STXBP5L: variants seen among roughly 807,000 people sequenced by gnomAD.
The protein encoded by STXBP5L is syntaxin-binding protein 5-like.
In STXBP5L, 65 loss-of-function variants were observed where a neutral mutation model predicts 144.5. The ratio of observed to expected loss-of-function variants is 0.45; its 90% CI spans 0.37 to 0.55. The LOEUF is 0.55. Ranked by LOEUF, STXBP5L falls within the 20% of genes least tolerant of loss-of-function variation. The probability of loss-of-function intolerance (pLI) is 0.00; values close to 1 mark genes in which losing one functional copy is unlikely to be tolerated. For missense variants in STXBP5L, 1,298 were observed against 1,405.5 expected (o/e 0.92, Z 1.22); for synonymous variants, 505 against 469.6 (o/e 1.08, Z -0.97).
intron 20 of STXBP5L, among the ~76,000 whole-genome samples, chr3:121,358,606 C>G (rs186985382): frequency 6.6e-6 from 1 of 152,282 alleles, no homozygotes; most frequent in African/African-American, 2.4e-5. Flanking sequence ...CCCACCAGGC[C>G]CCACCTCCTG....
chr3:121,346,858 T>A (rs1278508171), intron 20 of STXBP5L, among the ~76,000 whole-genome samples: 2 of 152,220 alleles, frequency 1.3e-5, no homozygotes, highest in African/African-American at 4.8e-5. Flanking sequence ...ATTAGCCCTT[T>A]GTCAGATGAG....
chr3:121,140,151 A>C (rs1237223628), intron 7 of STXBP5L, among the ~76,000 whole-genome samples: 2 of 152,124 alleles, frequency 1.3e-5, no homozygotes, highest in Non-Finnish European at 2.9e-5. Context: ...CAACAAGTAT[A>C]TAGTGAAATG....
intron 16 of STXBP5L, among the ~76,000 whole-genome samples, chr3:121,255,422 A>C (rs1458625023): frequency 6.6e-6 from 1 of 152,066 alleles, no homozygotes; most frequent in Non-Finnish European, 1.5e-5. Context: ...TTGATGTTAC[A>C]TGAGTTGCAT....
chr3:121,319,889 G>A (rs1210701879), intron 20 of STXBP5L, among the ~76,000 whole-genome samples: 1 of 152,072 alleles, frequency 6.6e-6, no homozygotes, highest in African/African-American at 2.4e-5. Context: ...GGCCAAGGGG[G>A]GAGGATCACT....
chr3:121,176,490 C>CAA (rs35855500), intron 9 of STXBP5L, among the ~76,000 whole-genome samples: 1,603 of 70,010 alleles, frequency 0.023, 38 homozygotes, highest in Non-Finnish European at 0.032. Context: ...CCAAACTGGC[C>CAA]AAAAAAAAAA....
At chr3:121,064,210 C>T (rs1260476787) in intron 5 of STXBP5L, among the ~76,000 whole-genome samples, 1 of 152,150 alleles carries the variant, frequency 6.6e-6, no homozygotes, top group Non-Finnish European at 1.5e-5. Flanking sequence ...TCACAGCTTC[C>T]CTTGGCTAAG....
At chr3:121,049,181 G>T (rs531080894) in intron 5 of STXBP5L, among the ~76,000 whole-genome samples, 1 of 152,186 alleles carries the variant, frequency 6.6e-6, no homozygotes, top group Admixed American at 6.5e-5. Flanking sequence ...TTTCTGTAAG[G>T]TGGCTGCACT....
intron 10 of STXBP5L, among the ~76,000 whole-genome samples, chr3:121,209,487 G>T (rs1194759835): frequency 1.3e-5 from 2 of 151,906 alleles, no homozygotes; most frequent in Non-Finnish European, 2.9e-5. Flanking sequence ...CAACGTGCAG[G>T]TTTGTTACAT....
At chr3:120,925,639 A>C (rs1709586581) in intron 2 of STXBP5L, among the ~76,000 whole-genome samples, 1 of 152,162 alleles carries the variant, frequency 6.6e-6, no homozygotes, top group Non-Finnish European at 1.5e-5. Flanking sequence ...ATTTACATTC[A>C]AGATAATTAT....
chr3:121,051,349 C>T (rs1445806071), intron 5 of STXBP5L, among the ~76,000 whole-genome samples: 1 of 152,154 alleles, frequency 6.6e-6, no homozygotes, highest in Non-Finnish European at 1.5e-5. Flanking sequence ...AAGCTCTCCT[C>T]AGCAAATGTA....
chr3:121,112,352 T>C (rs1303884638), intron 5 of STXBP5L, among the ~76,000 whole-genome samples: 4 of 152,140 alleles, frequency 2.6e-5, no homozygotes, highest in Non-Finnish European at 5.9e-5. Flanking sequence ...TTCCTGGTGG[T>C]AGGTAGCACA....
rs567801519 is a variant in STXBP5L, at chr3:121,374,964, G to T, written c.2177-3752G>T. On this transcript the variant is annotated intron_variant, in intron 20 of 26. Coordinates refer to ENST00000471454, the MANE Select transcript of STXBP5L (RefSeq NM_001308330.2). ...CTTATAAGTGGGAGCTAAATAATTT[G>T]TACACATGGACATAGAGTGCAGAAT... Among the ~76,000 whole-genome samples, 102 of 131,128 alleles carry T rather than the reference G, an allele frequency of 7.8e-4. 1 individual carries two copies. Among genetic ancestry groups the T allele is most frequent in the South Asian group, 1.2e-3 (5 of 4,094 alleles). 86.0% of individuals were successfully genotyped at this position (131,128 alleles called of 152,430 possible). A position where few individuals can be genotyped will look rare whatever the true frequency, so the allele number is the denominator to read the frequency against.
chr3:121,013,150 A>G (rs1389538604), intron 3 of STXBP5L, among the ~76,000 whole-genome samples: 1 of 152,008 alleles, frequency 6.6e-6, no homozygotes, highest in Non-Finnish European at 1.5e-5. Flanking sequence ...TAGTGCTGTA[A>G]TAAACATATG....
intron 9 of STXBP5L, among the ~76,000 whole-genome samples, chr3:121,182,673 A>G (rs2047208430): frequency 6.6e-6 from 1 of 152,198 alleles, no homozygotes; most frequent in Non-Finnish European, 1.5e-5. Context: ...AATGAAATTG[A>G]AACAAAAAAT....
At chr3:121,302,154 C>A (rs571702188) in intron 19 of STXBP5L, among the ~76,000 whole-genome samples, 2 of 152,084 alleles carry the variant, frequency 1.3e-5, no homozygotes, top group Non-Finnish European at 2.9e-5. Context: ...TGGTAGAATT[C>A]GGCTGTGAAT....
intron 3 of STXBP5L, among the ~76,000 whole-genome samples, chr3:121,019,210 C>T (rs919000057): frequency 2.6e-5 from 4 of 152,174 alleles, no homozygotes; most frequent in African/African-American, 9.7e-5. Context: ...CTCACAGGAG[C>T]CACAGCAAGC....
chr3:121,346,571 G>T (rs777482378), intron 20 of STXBP5L, among the ~76,000 whole-genome samples: 5 of 152,138 alleles, frequency 3.3e-5, no homozygotes, highest in Admixed American at 3.3e-4. Context: ...CCCACCAACA[G>T]TGTAAAAGTG....
chr3:121,226,427 G>C (rs768082128), intron 11 of STXBP5L, among the ~76,000 whole-genome samples: 1 of 152,086 alleles, frequency 6.6e-6, no homozygotes, highest in Non-Finnish European at 1.5e-5. Flanking sequence ...GGGGGGCCCC[G>C]TTACTATTTT....
chr3:121,003,981 C>T (rs7643210), intron 3 of STXBP5L, among the ~76,000 whole-genome samples: 47,349 of 151,850 alleles, frequency 0.31, 7,742 homozygotes, highest in Admixed American at 0.43. Context: ...AGTCAGGTAG[C>T]GTGATGCCTC....
Sources: gnomAD v4.1 joint callset for allele counts (sites outside exome capture counted in the v4.1 genomes callset) on GRCh38, gnomAD v4.1.1 for gene constraint, MANE v1.5 for transcripts, NCBI Gene and HGNC (gene_info 2026-07-23, HGNC 2026-07-21) for gene names.